The following NOVA2 variants were observed in gnomAD, a reference collection of about 807,000 sequenced individuals.
NOVA2 encodes NOVA alternative splicing regulator 2.
In NOVA2, 9 loss-of-function variants were observed where a neutral mutation model predicts 22.5. The ratio of observed to expected loss-of-function variants is 0.40; its 90% confidence interval spans 0.24 to 0.70. The LOEUF (loss-of-function observed/expected upper bound fraction) is 0.70. Among genes scored for constraint, NOVA2 ranks in the 30% least tolerant of loss-of-function variants. The pLI, the probability that NOVA2 is intolerant of heterozygous loss-of-function variation, is 0.38. For synonymous variants in NOVA2, 318 were observed against 335.2 expected (o/e 0.95, Z 0.56); for missense variants, 383 against 682.8 (o/e 0.56, Z 4.89).
Position 45,948,599 on chromosome 19 carries a change from C to CAA in NOVA2, c.396+5179_396+5180dup, listed in dbSNP as rs1227808626. On this transcript the variant is annotated intron_variant, in intron 3 of 3. Coordinates refer to ENST00000263257, the MANE Select transcript of NOVA2 (RefSeq NM_002516.4). The stretch of plus-strand genomic sequence containing the variant: ...TGGGGGACGGAGGGAGACTCTGTCT[C>CAA]AAAAAAAAAAAAAAAAAGAAAAAAG... 2.7e-3 allele frequency among the ~76,000 whole-genome samples: 199 copies of CAA among 72,550 alleles called. 2 individuals are homozygous for CAA. In the South Asian group the frequency reaches 0.032, roughly 12 times the overall value. 47.6% of individuals were successfully genotyped at this position (72,550 alleles called of 152,430 possible). A position where few individuals can be genotyped will look rare whatever the true frequency, so the allele number is the denominator to read the frequency against.
intron 2 of NOVA2, among the ~76,000 whole-genome samples, chr19:45,956,086 G>A (rs575416278): frequency 3.2e-4 from 48 of 152,288 alleles, no homozygotes; most frequent in Admixed American, 9.8e-4. Flanking sequence ...GGTCACTTGT[G>A]TAGCTGACAT....
intron 1 of NOVA2, among the ~76,000 whole-genome samples, chr19:45,969,536 AAG>A: frequency 6.7e-6 from 1 of 149,672 alleles, no homozygotes; most frequent in African/African-American, 2.4e-5. Context: ...AAAAAAAAAA[AAG>A]AGGGATGTTA....
intron 3 of NOVA2, among the ~76,000 whole-genome samples, chr19:45,950,320 G>A (rs1025678269): frequency 2.0e-5 from 3 of 151,370 alleles, no homozygotes; most frequent in African/African-American, 4.9e-5. Flanking sequence ...CACCATGCCC[G>A]GCTAATTTTT....
Position 45,936,110 on chromosome 19 carries a change from G to A in NOVA2, c.*3753C>T, listed in dbSNP as rs1361601102. The A allele has an allele frequency of 1.3e-5, 2 of 152,312 alleles. No homozygotes were observed. Among genetic ancestry groups the A allele is most frequent in the Non-Finnish European group, 2.9e-5 (2 of 68,106 alleles). 9.4% of individuals were successfully genotyped at this position (152,312 alleles called of 1,614,324 possible). ...AGGTGGCTGGGCAGGTTGGCTCAGA[G>A]CCCCCTGAGATGGGGGATGAAGGAG... On this transcript the variant is annotated 3_prime_UTR_variant, in exon 4 of 4. Coordinates refer to ENST00000263257, the MANE Select transcript of NOVA2 (RefSeq NM_002516.4).
chr19:45,958,396 T>C (rs536147509), intron 2 of NOVA2, among the ~76,000 whole-genome samples: 1 of 149,046 alleles, frequency 6.7e-6, no homozygotes, highest in Admixed American at 6.6e-5. Flanking sequence ...TGTGGGAGCA[T>C]GTGTGTGAGT....
chr19:45,936,526 C>G lies in NOVA2; in HGVS notation c.*3337G>C, dbSNP rs1471472555. ...TCCTCCCCTCTATCCAAGGTCCTCT[C>G]CCCCCAGAGCGGCTCAGTTCCAAGG... On this transcript the variant is annotated 3_prime_UTR_variant, in exon 4 of 4. Transcript: ENST00000263257. 1 of 151,828 alleles carries G rather than the reference C, an allele frequency of 6.6e-6. No individual in the cohort carries two copies. Among genetic ancestry groups the G allele is most frequent in the Admixed American group, 6.6e-5 (1 of 15,232 alleles). The allele number at this position is 151,828 out of a possible 1,614,324, so 9.4% of individuals were successfully genotyped here.
At chr19:45,942,571 T>G (rs1050737501) in intron 3 of NOVA2, among the ~76,000 whole-genome samples, 1 of 152,152 alleles carries the variant, frequency 6.6e-6, no homozygotes, top group African/African-American at 2.4e-5. Flanking sequence ...GGCTTTTGTC[T>G]GAGAAGGCAG....
In NOVA2 at chr19:45,936,458, G is replaced by A. The variant is rs1967653871; in HGVS notation, c.*3405C>T. 6.6e-6 allele frequency: 1 copy of A among 151,432 alleles called. No individual in the cohort carries two copies. The highest frequency in any genetic ancestry group is 6.6e-5 in the Admixed American group (1 of 15,202). 9.4% of individuals were successfully genotyped at this position (151,432 alleles called of 1,614,324 possible). ...AATTTAGCTCCATGTCCACACTTTT[G>A]CAATGCCTCTTAGGGACCTCCTCAA... On this transcript the variant is annotated 3_prime_UTR_variant, in exon 4 of 4. Coordinates refer to ENST00000263257, the MANE Select transcript of NOVA2 (RefSeq NM_002516.4).
rs141264903 is a variant in NOVA2 at position 45,945,844 on chromosome 19, T to A, written c.397-4899A>T. Among the ~76,000 whole-genome samples the A allele has an allele frequency of 7.2e-3, 1,082 of 150,068 alleles. 11 individuals are homozygous for A. Among genetic ancestry groups the A allele is most frequent in the African/African-American group, 0.024 (976 of 40,920 alleles). ...CTTTATTATTATTATTATTATTTTT[T>A]TTTTTTTTGAGACACAGTCTTGCTC... On this transcript the variant is annotated intron_variant, in intron 3 of 3. Transcript: ENST00000263257.
intron 2 of NOVA2, among the ~76,000 whole-genome samples, chr19:45,954,221 C>A (rs1352890154): frequency 1.3e-5 from 2 of 152,214 alleles, no homozygotes; most frequent in African/African-American, 4.8e-5. Flanking sequence ...TTGCGATGCC[C>A]ACAGCAGCCC....
intron 1 of NOVA2, among the ~76,000 whole-genome samples, chr19:45,965,487 G>T (rs1968156136): frequency 6.6e-6 from 1 of 152,168 alleles, no homozygotes; most frequent in Non-Finnish European, 1.5e-5. Context: ...CTAGTGTTTT[G>T]GGAGGCCAAG....
chr19:45,937,464 G>C lies in NOVA2; in HGVS notation c.*2399C>G, dbSNP rs565454082. The C allele has an allele frequency of 1.3e-5, 2 of 152,408 alleles. No homozygotes were observed. Among genetic ancestry groups the C allele is most frequent in the Admixed American group, 6.5e-5 (1 of 15,306 alleles). The allele number at this position is 152,408 out of a possible 1,614,324, so 9.4% of individuals were successfully genotyped here. On this transcript the variant is annotated 3_prime_UTR_variant, in exon 4 of 4. Coordinates refer to ENST00000263257, the MANE Select transcript of NOVA2 (RefSeq NM_002516.4). ...ATTCCAGCTAGATACTGTAATACTC[G>C]CGTGCGGGTAGAGATACTGTGAAAT...
In NOVA2 at chr19:45,973,849, G is replaced by C. The variant is rs1268180929; in HGVS notation, c.-498C>G. 1.3e-5 allele frequency among the ~76,000 whole-genome samples: 2 copies of C among 151,296 alleles called. No homozygotes were observed. Among genetic ancestry groups the C allele is most frequent in the Non-Finnish European group, 3.0e-5 (2 of 67,690 alleles). ...CTCCCCGCTTCTTCTTGGCTCCCTG[G>C]GGCAAGAGGGCCGAGCCCCCCAGAC... is the stretch of plus-strand genomic sequence containing the variant. On this transcript the variant is annotated 5_prime_UTR_variant, in exon 1 of 4. Transcript: ENST00000263257.
intron 2 of NOVA2, 104 bp from the exon 3 acceptor site, chr19:45,954,050 G>A (rs1051669276): frequency 4.0e-6 from 5 of 1,264,996 alleles, no homozygotes; most frequent in Non-Finnish European, 5.6e-6. Flanking sequence ...GGTCCAGAGA[G>A]TGGACCTGAC....
chr19:45,969,922 G>A (rs150733217), intron 1 of NOVA2, among the ~76,000 whole-genome samples: 12 of 152,132 alleles, frequency 7.9e-5, no homozygotes, highest in African/African-American at 1.9e-4. Context: ...TCCCAGAAGC[G>A]GGCAGGAGTG....
chr19:45,948,876 C>G (rs921482993), intron 3 of NOVA2, among the ~76,000 whole-genome samples: 2 of 152,056 alleles, frequency 1.3e-5, no homozygotes, highest in African/African-American at 4.8e-5. Context: ...AAAGGAGAAA[C>G]AACCCAAATG....
chr19:45,959,317 GC>G (rs1327059174), intron 2 of NOVA2, among the ~76,000 whole-genome samples: 2 of 152,188 alleles, frequency 1.3e-5, no homozygotes, highest in East Asian at 3.8e-4. Flanking sequence ...GGGGATGGGG[GC>G]TGACCACATG....
intron 1 of NOVA2, among the ~76,000 whole-genome samples, chr19:45,969,340 A>G (rs979492245): frequency 6.6e-6 from 1 of 150,382 alleles, no homozygotes; most frequent in African/African-American, 2.5e-5. Flanking sequence ...CCCTGTCTCT[A>G]CAAAAAAATT....
chr19:45,942,786 A>G (rs1967779175), intron 3 of NOVA2, among the ~76,000 whole-genome samples: 1 of 152,042 alleles, frequency 6.6e-6, no homozygotes, highest in South Asian at 2.1e-4. Context: ...ATCAATCTTA[A>G]TTCCTGTGGA....
Sources: allele counts gnomAD v4.1 joint callset (sites outside exome capture counted in the v4.1 genomes callset), GRCh38; gene constraint gnomAD v4.1.1; transcripts MANE v1.5; gene names NCBI Gene and HGNC (gene_info 2026-07-23, HGNC 2026-07-21).